Variants in RET observed in about 807,000 individuals in gnomAD.
RET encodes ret proto-oncogene.
A neutral mutation model predicts 118.3 loss-of-function variants in RET; 19 were observed. That is an observed-to-expected ratio of 0.16 (90% CI 0.11 to 0.24). The LOEUF (loss-of-function observed/expected upper bound fraction) is 0.24. Among genes scored for constraint, RET ranks in the 10% least tolerant of loss-of-function variants. RET has a pLI of 1.00. For missense variants in RET, 1,219 were observed against 1,502.1 expected (o/e 0.81, Z 3.12); for synonymous variants, 597 against 644.1 (o/e 0.93, Z 1.11).
Position 43,129,700 on chromosome 10 carries a change from T to C in RET, c.*1431T>C, listed in dbSNP as rs1308878378. On this transcript the variant is annotated 3_prime_UTR_variant, in exon 20 of 20. Coordinates refer to ENST00000355710, the MANE Select transcript of RET (RefSeq NM_020975.6). ...TCTCATTCAAATACTGTATTTTATA[T>C]AGGCATTTCACAAAAACAGCAAAAT... 1 of 352,612 alleles carries C rather than the reference T, an allele frequency of 2.8e-6. No homozygotes were observed. Among genetic ancestry groups the C allele is most frequent in the Admixed American group, 4.7e-5 (1 of 21,134 alleles). 21.8% of individuals were successfully genotyped at this position (352,612 alleles called of 1,614,324 possible). A position where few individuals can be genotyped will look rare whatever the true frequency, so the allele number is the denominator to read the frequency against.
chr10:43,103,462 G>A (rs1837687702), intron 3 of RET, among the ~76,000 whole-genome samples: 1 of 152,180 alleles, frequency 6.6e-6, no homozygotes, highest in South Asian at 2.1e-4. Flanking sequence ...GGGATGAGCT[G>A]GATCCCAGTG....
chr10:43,129,483 T>G lies in RET; in HGVS notation c.*1214T>G, dbSNP rs970546158. 4 of 234,288 alleles carry G rather than the reference T, an allele frequency of 1.7e-5. No homozygotes were observed. Among genetic ancestry groups the G allele is most frequent in the Non-Finnish European group, 1.7e-5 (2 of 118,572 alleles). The allele number at this position is 234,288 out of a possible 1,614,324, so 14.5% of individuals were successfully genotyped here. A position where few individuals can be genotyped will look rare whatever the true frequency, so the allele number is the denominator to read the frequency against. On this transcript the variant is annotated 3_prime_UTR_variant, in exon 20 of 20. Coordinates refer to ENST00000355710, the MANE Select transcript of RET (RefSeq NM_020975.6). ...AGATTCTGACCATGACTCATAAGCT[T>G]CTTGTCATTCTTCATTGCTTGTTTG...
At position 43,077,339 on chromosome 10, in the gene RET, C is replaced by T. The variant is rs1193805611; in HGVS notation, c.73+8C>T. On this transcript the variant is annotated splice_region_variant and intron_variant, in intron 1 of 19. Transcript: ENST00000355710. Reference sequence around the variant, plus strand: ...TGCCGCTGCTAGGCAAAGGTGAGTTCTGCCGGCCGCCGGCTCCCGCAGGGG... The same window carrying T: ...TGCCGCTGCTAGGCAAAGGTGAGTTTTGCCGGCCGCCGGCTCCCGCAGGGG... 2.0e-6 allele frequency: 3 copies of T among 1,506,502 alleles called. No individual in the cohort carries two copies. The highest frequency in any genetic ancestry group is 2.5e-5 in the South Asian group (2 of 81,096). The allele number at this position is 1,506,502 out of a possible 1,614,324, so 93.3% of individuals were successfully genotyped here.
At position 43,119,964 on chromosome 10, in the gene RET, G is replaced by T. The variant is rs150916310; in HGVS notation, c.2608-117G>T. On this transcript the variant is annotated intron_variant, in intron 14 of 19. Coordinates refer to ENST00000355710, the MANE Select transcript of RET (RefSeq NM_020975.6). ...CTGCCATGCCACACCCCCGGCCCAG[G>T]TCTCACCAGGCCGCTACCCGGGCCA... 9.6e-4 allele frequency: 1,432 copies of T among 1,495,662 alleles called. 16 individuals carry two copies. The African/African-American group carries it at 0.018, about 18-fold the overall frequency. 92.6% of individuals were successfully genotyped at this position (1,495,662 alleles called of 1,614,324 possible).
In RET at chr10:43,114,505, C is replaced by T. The variant is rs2132844912; in HGVS notation, c.1905C>T (p.Arg635=). 6.2e-7 allele frequency: 1 copy of T among 1,608,280 alleles called. No homozygotes were observed. Among genetic ancestry groups the T allele is most frequent in the Non-Finnish European group, 8.5e-7 (1 of 1,179,990 alleles). The change falls in exon 11 of 20, where the codon CGC becomes CGT. Residue 635 remains arginine (R), a synonymous_variant. Coordinates refer to ENST00000355710, the MANE Select transcript of RET (RefSeq NM_020975.6). This position sits in a 1 kb window ranked among gnomAD's most constrained non-coding sequence, Gnocchi z 4.6. ...IQDPLCDELC[R]TVIAAAVLFS... Reference sequence around the variant, plus strand: ...ATCCACTGTGCGACGAGCTGTGCCGCACGGTGATCGCAGCCGCTGTCCTCT... The same window carrying T: ...ATCCACTGTGCGACGAGCTGTGCCGTACGGTGATCGCAGCCGCTGTCCTCT...
At position 43,129,000 on chromosome 10, in the gene RET, C is replaced by T; in HGVS notation, c.*731C>T. ...TGGTGGTATCAGGGAAGAGGGCTCA[C>T]AAGACACATTTGTCCCCCGGGCCCA... On this transcript the variant is annotated 3_prime_UTR_variant, in exon 20 of 20. Coordinates refer to ENST00000355710, the MANE Select transcript of RET (RefSeq NM_020975.6). 1.3e-5 allele frequency: 3 copies of T among 236,574 alleles called. No homozygotes were observed. Among genetic ancestry groups the T allele is most frequent in the Non-Finnish European group, 2.5e-5 (3 of 120,064 alleles). The allele number at this position is 236,574 out of a possible 1,614,324, so 14.7% of individuals were successfully genotyped here. A position where few individuals can be genotyped will look rare whatever the true frequency, so the allele number is the denominator to read the frequency against.
At chr10:43,095,379 C>T (rs1032991096) in intron 1 of RET, among the ~76,000 whole-genome samples, 3 of 152,138 alleles carry the variant, frequency 2.0e-5, no homozygotes, top group African/African-American at 7.2e-5. Context: ...CTGGCCTGTC[C>T]CAGCATCTCT....
chr10:43,125,346 C>T (rs746322848), intron 18 of RET, among the ~76,000 whole-genome samples: 15 of 152,118 alleles, frequency 9.9e-5, no homozygotes, highest in African/African-American at 2.9e-4. Context: ...GAGGGGGGTC[C>T]GGCTGGAGGA....
At position 43,102,619 on chromosome 10, in the gene RET, G is replaced by A; in HGVS notation, c.615G>A (p.Arg205=). 1 of 1,614,086 alleles carries A rather than the reference G, an allele frequency of 6.2e-7. No individual in the cohort carries two copies. Among genetic ancestry groups the A allele is most frequent in the Non-Finnish European group, 8.5e-7 (1 of 1,180,046 alleles). ...GCCCCAACATCAGCGTGGCCTACAG[G>A]CTCCTGGAGGGTGAGTGCCGACCTT... The part of the protein sequence containing the change: ...FLCPNISVAY[R]LLEGEGLPFR... The change falls in exon 3 of 20, where the codon AGG becomes AGA. Residue 205 remains arginine (R), a synonymous_variant. Transcript: ENST00000355710.
chr10:43,113,705 A>G (rs1423135170), intron 10 of RET, 30 bp downstream of exon 10: 2 of 1,610,908 alleles, frequency 1.2e-6, no homozygotes, highest in East Asian at 2.2e-5. Flanking sequence ...GACCACCACC[A>G]CCTCCCAGCC....
chr10:43,102,917 G>A (rs139805767), intron 3 of RET: 1 of 518,884 alleles, frequency 1.9e-6, no homozygotes, highest in Non-Finnish European at 3.5e-6. Context: ...CTTCTGGAAG[G>A]AGCTAGCTGG....
chr10:43,102,679 C>T, intron 3 of RET, 50 bp downstream of exon 3: 1 of 1,608,330 alleles, frequency 6.2e-7, no homozygotes, highest in African/African-American at 1.3e-5. Context: ...TACTGCTGGT[C>T]TTGCTCTGCG....
chr10:43,094,825 G>A (rs1179438665), intron 1 of RET, among the ~76,000 whole-genome samples: 1 of 152,246 alleles, frequency 6.6e-6, no homozygotes, highest in African/African-American at 2.4e-5. Context: ...GAATGTGTGA[G>A]CATATGGGAG....
chr10:43,078,257 G>T (rs77125037), intron 1 of RET, among the ~76,000 whole-genome samples: 1 of 152,216 alleles, frequency 6.6e-6, no homozygotes, highest in South Asian at 2.1e-4. Context: ...CCAAGCGCTT[G>T]TGTATGAACC....
At chr10:43,116,782 G>C (rs752884731) in intron 12 of RET, 51 bp downstream of exon 12, 2 of 1,142,970 alleles carry the variant, frequency 1.7e-6, no homozygotes, top group Non-Finnish European at 1.3e-6. Flanking sequence ...CCGGGGCGGG[G>C]GGCGGGTGAG....
intron 1 of RET, among the ~76,000 whole-genome samples, 200 bp downstream of exon 1, chr10:43,077,531 C>G (rs1304229963): frequency 6.8e-6 from 1 of 146,574 alleles, no homozygotes; most frequent in Non-Finnish European, 1.5e-5. Flanking sequence ...CCGGGCGCCT[C>G]GGGCCGGGGC....
In RET at chr10:43,129,509, T is replaced by TGGTCAC; in HGVS notation, c.*1241_*1246dup. On this transcript the variant is annotated 3_prime_UTR_variant, in exon 20 of 20. Transcript: ENST00000355710. The stretch of plus-strand genomic sequence containing the variant: ...CTTGTCATTCTTCATTGCTTGTTTG[T>TGGTCAC]GGTCACAGATGCACAACACTCCTCC... 1 of 235,458 alleles carries TGGTCAC rather than the reference T, an allele frequency of 4.2e-6. No individual in the cohort carries two copies. Among genetic ancestry groups the TGGTCAC allele is most frequent in the Non-Finnish European group, 8.4e-6 (1 of 119,396 alleles). 14.6% of individuals were successfully genotyped at this position (235,458 alleles called of 1,614,324 possible).
At chr10:43,103,138 A>C (rs755995019) in intron 3 of RET, among the ~76,000 whole-genome samples, 52 of 152,280 alleles carry the variant, frequency 3.4e-4, no homozygotes, top group Admixed American at 2.0e-3. Flanking sequence ...GCTGAGGCTG[A>C]TGGGGCAGAA....
intron 17 of RET, among the ~76,000 whole-genome samples, chr10:43,124,150 GT>G (rs1375444332): frequency 6.6e-6 from 1 of 152,144 alleles, no homozygotes; most frequent in East Asian, 1.9e-4. Context: ...GGGTGCCTGA[GT>G]GGAGGTGCAG....
Sources: gnomAD v4.1 joint callset for allele counts (sites outside exome capture counted in the v4.1 genomes callset) on GRCh38, gnomAD v4.1.1 for gene constraint, Gnocchi (gnomAD v3.1) non-coding constraint, MANE v1.5 for transcripts, NCBI Gene and HGNC (gene_info 2026-07-23, HGNC 2026-07-21) for gene names.